SLC2A9: variants seen among roughly 807,000 people sequenced by gnomAD.
The protein encoded by SLC2A9 is solute carrier family 2 member 9, also known as solute carrier family 2, facilitated glucose transporter member 9.
Under a neutral mutation model 50.6 loss-of-function variants are expected in SLC2A9, and 39 were observed. The observed-to-expected ratio is 0.77, with a 90% confidence interval of 0.60 to 1.01. The LOEUF (loss-of-function observed/expected upper bound fraction) is 1.01, where lower values mean the gene tolerates loss of function less well. Among genes scored for constraint, SLC2A9 ranks in the 50% least tolerant of loss-of-function variants. The pLI, the probability that SLC2A9 is intolerant of heterozygous loss-of-function variation, is 0.00. For synonymous variants in SLC2A9, 324 were observed against 276.9 expected, an observed-to-expected ratio of 1.17 and a Z score of -1.69; for missense variants, 686 against 677.6, an observed-to-expected ratio of 1.01 and a Z score of -0.14.
At chr4:10,010,372 A>T (rs3775945) in intron 2 of SLC2A9, among the ~76,000 whole-genome samples, 26,084 of 152,160 alleles carry the variant, frequency 0.17, 2,435 homozygotes, top group Non-Finnish European at 0.21. Flanking sequence ...AATTCTAAGC[A>T]TAGCACTTCC....
At chr4:9,904,410 T>A (rs1035523945) in intron 8 of SLC2A9, among the ~76,000 whole-genome samples, 2 of 152,144 alleles carry the variant, frequency 1.3e-5, no homozygotes, top group Non-Finnish European at 2.9e-5. Context: ...GCTTCCACCA[T>A]CACATCTCCT....
rs1216760388 is a variant in SLC2A9 at position 9,834,596 on chromosome 4, G to A, written c.1419+285C>T. Among the ~76,000 whole-genome samples, 4 of 152,326 alleles carry A rather than the reference G, an allele frequency of 2.6e-5. No individual in the cohort carries two copies. In the East Asian group the frequency reaches 7.7e-4, roughly 29 times the overall value. On this transcript the variant is annotated intron_variant, in intron 11 of 11. Coordinates refer to ENST00000264784, the MANE Select transcript of SLC2A9 (RefSeq NM_020041.3). ...GAGCACATTGTAAAAATGATAAGTA[G>A]GTTGTAGGTTTGAGTTGCTAACCTA...
At chr4:9,955,750 G>T (rs1039702221) in intron 5 of SLC2A9, among the ~76,000 whole-genome samples, 1 of 151,850 alleles carries the variant, frequency 6.6e-6, no homozygotes, top group Non-Finnish European at 1.5e-5. Flanking sequence ...TTGCTGCCGC[G>T]GACACCTCTG....
chr4:10,018,546 T>TGATAGATAGATAGATA, intron 2 of SLC2A9, among the ~76,000 whole-genome samples: 1 of 145,430 alleles, frequency 6.9e-6, no homozygotes, highest in African/African-American at 2.6e-5. Flanking sequence ...ATCTCAAAGA[T>TGATAGATAGATAGATA]GATAGATAGA....
At chr4:9,983,835 C>G (rs752145132) in intron 4 of SLC2A9, among the ~76,000 whole-genome samples, 1 of 152,194 alleles carries the variant, frequency 6.6e-6, no homozygotes, top group Non-Finnish European at 1.5e-5. Context: ...CAAACCTAAC[C>G]TATACAGATA....
chr4:10,012,415 A>AT (rs1192652463), intron 2 of SLC2A9, among the ~76,000 whole-genome samples: 1 of 152,202 alleles, frequency 6.6e-6, no homozygotes, highest in Non-Finnish European at 1.5e-5. Flanking sequence ...TTTAGCAAAT[A>AT]TTTTTTATAA....
chr4:10,024,974 G>A (rs1356042931), upstream of SLC2A9, among the ~76,000 whole-genome samples: 1 of 152,216 alleles, frequency 6.6e-6, no homozygotes, highest in East Asian at 1.9e-4. Context: ...AGAGGGAACT[G>A]CTGTCTATTT....
intron 5 of SLC2A9, among the ~76,000 whole-genome samples, chr4:9,953,791 TTTTGTTTG>T (rs55668476): frequency 0.48 from 72,496 of 151,036 alleles, 18,729 homozygotes; most frequent in African/African-American, 0.67. Context: ...CCCAGCTAAA[TTTTGTTTG>T]TTTGTTTGTT....
chr4:9,816,750 A>G (rs1723650002), intron 3 of SLC2A9, among the ~76,000 whole-genome samples: 1 of 152,092 alleles, frequency 6.6e-6, no homozygotes, highest in Non-Finnish European at 1.5e-5. Context: ...AAAAATGGAA[A>G]TCTGGGTGAT....
At chr4:9,980,528 G>A (rs372379675) in intron 5 of SLC2A9, 64 bp downstream of exon 5, 1 of 1,608,982 alleles carries the variant, frequency 6.2e-7, no homozygotes, top group Non-Finnish European at 8.5e-7. Context: ...TGGAGAAAAG[G>A]CTCCTTCCTG....
intron 3 of SLC2A9, among the ~76,000 whole-genome samples, chr4:9,989,581 G>C (rs549748678): frequency 2.0e-5 from 3 of 151,944 alleles, no homozygotes; most frequent in Non-Finnish European, 4.4e-5. Context: ...TCCAACCCTG[G>C]TGCAAACCAT....
intron 3 of SLC2A9, among the ~76,000 whole-genome samples, chr4:9,812,040 G>T (rs1463540580): frequency 6.6e-6 from 1 of 152,142 alleles, no homozygotes; most frequent in African/African-American, 2.4e-5. Flanking sequence ...TTATGTTAAA[G>T]CCACTGTGAG....
intron 4 of SLC2A9, among the ~76,000 whole-genome samples, chr4:9,981,801 G>T (rs924758379): frequency 6.6e-6 from 1 of 152,124 alleles, no homozygotes; most frequent in Non-Finnish European, 1.5e-5. Context: ...CAAATACTCC[G>T]GGAGAACCTG....
rs73225806 is a variant in SLC2A9 at position 9,859,613 on chromosome 4, G to A, written c.1292-24605C>T. 4.1e-3 allele frequency among the ~76,000 whole-genome samples: 632 copies of A among 152,350 alleles called. 7 individuals are homozygous for A. The highest frequency in any genetic ancestry group is 4.3e-3 in the Non-Finnish European group (294 of 68,032). On this transcript the variant is annotated intron_variant, in intron 10 of 11. Coordinates refer to ENST00000264784, the MANE Select transcript of SLC2A9 (RefSeq NM_020041.3). Reference sequence around the variant, plus strand: ...AGATCCTGAGGGTGACAGAACAGGTGAAGTGAGGTCTGCTTTAAGCACTCT... The same window carrying A: ...AGATCCTGAGGGTGACAGAACAGGTAAAGTGAGGTCTGCTTTAAGCACTCT...
At chr4:9,781,647 C>A (rs978486227) in intron 3 of SLC2A9, 2 of 179,064 alleles carry the variant, frequency 1.1e-5, no homozygotes, top group Non-Finnish European at 2.3e-5. Context: ...GCCAGCCTGG[C>A]GCCCGCGACT....
intron 5 of SLC2A9, among the ~76,000 whole-genome samples, chr4:9,972,426 T>A (rs527562556): frequency 6.6e-6 from 1 of 152,346 alleles, no homozygotes; most frequent in Non-Finnish European, 1.5e-5. Context: ...CCATGACAAT[T>A]GTTTTATGAT....
chr4:9,800,920 G>A (rs1310248276), intron 3 of SLC2A9, among the ~76,000 whole-genome samples: 1 of 152,102 alleles, frequency 6.6e-6, no homozygotes, highest in East Asian at 1.9e-4. Context: ...TTTTGTTCCA[G>A]CCATCCTAGT....
chr4:9,938,201 T>C (rs753018485), intron 6 of SLC2A9, among the ~76,000 whole-genome samples: 18 of 152,164 alleles, frequency 1.2e-4, no homozygotes, highest in Non-Finnish European at 2.4e-4. Flanking sequence ...CCTGGCTTAA[T>C]ATATAAAGTC....
At chr4:9,796,087 T>G (rs937185331), downstream of SLC2A9, among the ~76,000 whole-genome samples, 2 of 152,176 alleles carry the variant, frequency 1.3e-5, no homozygotes, top group South Asian at 4.1e-4. Flanking sequence ...GACCCATAAG[T>G]GAGACTCTAG....
Sources: allele counts gnomAD v4.1 joint callset (sites outside exome capture counted in the v4.1 genomes callset), GRCh38; gene constraint gnomAD v4.1.1; transcripts MANE v1.5; gene names NCBI Gene and HGNC (gene_info 2026-07-23, HGNC 2026-07-21).